Variants in DENND1A observed in about 807,000 individuals in gnomAD.
DENND1A encodes DENN domain containing 1A.
Under a neutral mutation model 113.7 loss-of-function variants are expected in DENND1A, and 51 were observed. That is an observed-to-expected ratio of 0.45 (90% CI 0.36 to 0.57). The LOEUF (loss-of-function observed/expected upper bound fraction) is 0.57, where lower values mean the gene tolerates loss of function less well. DENND1A is among the 20% of genes least tolerant of loss of function. DENND1A has a pLI of 0.00. For missense variants in DENND1A, 1,258 were observed against 1,395.9 expected (o/e 0.90, Z 1.57); for synonymous variants, 565 against 570.8 (o/e 0.99, Z 0.14).
intron 21 of DENND1A, chr9:123,402,551 G>C (rs772161660): frequency 7.5e-6 from 4 of 534,834 alleles, no homozygotes; most frequent in Non-Finnish European, 1.5e-5. Context: ...CAGGATCCCT[G>C]GGGTAGTTTT....
chr9:123,701,196 G>T (rs1424442329), intron 5 of DENND1A, among the ~76,000 whole-genome samples: 3 of 152,148 alleles, frequency 2.0e-5, no homozygotes. Flanking sequence ...AGAAGGTAGA[G>T]CAAAATGGCA....
chr9:123,709,927 C>A (rs990682996), intron 5 of DENND1A, among the ~76,000 whole-genome samples: 6 of 152,180 alleles, frequency 3.9e-5, no homozygotes, highest in Non-Finnish European at 7.3e-5. Context: ...CATATATTTA[C>A]CTACCCTAGT....
chr9:123,821,159 G>A (rs1838397289), intron 2 of DENND1A, among the ~76,000 whole-genome samples: 1 of 152,018 alleles, frequency 6.6e-6, no homozygotes, highest in Admixed American at 6.6e-5. Context: ...CTCTTTTTGA[G>A]TTAACTTGAC....
intron 13 of DENND1A, among the ~76,000 whole-genome samples, chr9:123,506,914 G>A (rs2053002157): frequency 6.6e-6 from 1 of 152,236 alleles, no homozygotes; most frequent in South Asian, 2.1e-4. Context: ...GCTGGGCACA[G>A]TGGCTTAACG....
intron 18 of DENND1A, among the ~76,000 whole-genome samples, chr9:123,448,531 A>G (rs1291049441): frequency 6.6e-6 from 1 of 152,202 alleles, no homozygotes; most frequent in Non-Finnish European, 1.5e-5. Context: ...CAAGGAGGGA[A>G]AACTCTCCGC....
At chr9:123,640,926 T>A (rs1210861276) in intron 9 of DENND1A, among the ~76,000 whole-genome samples, 4 of 152,234 alleles carry the variant, frequency 2.6e-5, no homozygotes, top group African/African-American at 9.6e-5. Flanking sequence ...TCTCCTCCAC[T>A]CCTGCTGTCT....
At chr9:123,826,782 G>T (rs921727767) in intron 2 of DENND1A, among the ~76,000 whole-genome samples, 1 of 152,114 alleles carries the variant, frequency 6.6e-6, no homozygotes, top group Non-Finnish European at 1.5e-5. Context: ...TCAGGTGTGA[G>T]GATTAAGCAC....
intron 4 of DENND1A, among the ~76,000 whole-genome samples, chr9:123,758,068 T>C (rs562001511): frequency 6.6e-6 from 1 of 151,996 alleles, no homozygotes; most frequent in African/African-American, 2.4e-5. Context: ...TTCTCCTTAC[T>C]GAGTTCAGTC....
At chr9:123,883,154 C>T (rs1848552758) in intron 1 of DENND1A, among the ~76,000 whole-genome samples, 1 of 152,166 alleles carries the variant, frequency 6.6e-6, no homozygotes, top group East Asian at 1.9e-4. Flanking sequence ...AAAGACCTTC[C>T]CCAACACACA....
intron 11 of DENND1A, among the ~76,000 whole-genome samples, chr9:123,585,649 C>G (rs141134998): frequency 6.6e-6 from 1 of 152,192 alleles, no homozygotes; most frequent in African/African-American, 2.4e-5. Context: ...CAATGGCCCT[C>G]TTTTTCACTG....
intron 5 of DENND1A, among the ~76,000 whole-genome samples, chr9:123,710,673 GTT>G (rs11392793): frequency 5.8e-5 from 8 of 138,944 alleles, no homozygotes; most frequent in Admixed American, 1.5e-4. Context: ...AATCTTGGAG[GTT>G]TTTTTTTTTT....
At chr9:123,807,359 T>C (rs1435966833) in intron 2 of DENND1A, among the ~76,000 whole-genome samples, 4 of 152,234 alleles carry the variant, frequency 2.6e-5, no homozygotes, top group African/African-American at 4.8e-5. Context: ...AATCCATCCC[T>C]GACTACGTCA....
chr9:123,835,696 T>C (rs1307316602), intron 2 of DENND1A, among the ~76,000 whole-genome samples: 1 of 151,776 alleles, frequency 6.6e-6, no homozygotes, highest in Non-Finnish European at 1.5e-5. Context: ...TGAGTACCTT[T>C]CTACTGCAAA....
intron 13 of DENND1A, 107 bp from the exon 14 acceptor site, chr9:123,458,004 CTTTTTT>C (rs71390436): frequency 3.5e-6 from 2 of 568,116 alleles, no homozygotes; most frequent in African/African-American, 2.0e-5. Flanking sequence ...TTTTCTTTTC[CTTTTTT>C]TTTTTTTTGA....
chr9:123,830,318 A>G (rs1439408101), intron 2 of DENND1A, among the ~76,000 whole-genome samples: 1 of 152,176 alleles, frequency 6.6e-6, no homozygotes, highest in African/African-American at 2.4e-5. Context: ...TGGTAACATA[A>G]ATCAGAACAG....
intron 20 of DENND1A, among the ~76,000 whole-genome samples, chr9:123,407,438 TCACACACTCA>T (rs1357424694): frequency 2.6e-5 from 4 of 151,778 alleles, no homozygotes; most frequent in African/African-American, 9.7e-5. Context: ...CACGTATGAC[TCACACACTCA>T]CACACACACC....
intron 5 of DENND1A, among the ~76,000 whole-genome samples, chr9:123,748,782 A>G (rs572842388): frequency 6.6e-6 from 1 of 152,242 alleles, no homozygotes; most frequent in South Asian, 2.1e-4. Flanking sequence ...AATTGTTGAC[A>G]CTCAAACTCA....
intron 2 of DENND1A, among the ~76,000 whole-genome samples, chr9:123,830,873 GAAAAA>G (rs71390447): frequency 0.017 from 681 of 39,350 alleles, 4 homozygotes; most frequent in African/African-American, 0.058. Context: ...TCTCAAAAAT[GAAAAA>G]AAAAAAAAAA....
At chr9:123,624,777 T>C (rs1444765587) in intron 10 of DENND1A, among the ~76,000 whole-genome samples, 3 of 152,190 alleles carry the variant, frequency 2.0e-5, no homozygotes, top group Non-Finnish European at 4.4e-5. Context: ...TGGTAACAGT[T>C]TTTCAGAGTG....
Sources: allele counts gnomAD v4.1 joint callset (sites outside exome capture counted in the v4.1 genomes callset), GRCh38; gene constraint gnomAD v4.1.1; transcripts MANE v1.5; gene names NCBI Gene and HGNC (gene_info 2026-07-23, HGNC 2026-07-21).